The following GLT1D1 variants were observed in gnomAD, a reference collection of about 807,000 sequenced individuals.
The protein encoded by GLT1D1 is glycosyltransferase 1 domain-containing protein 1.
GLT1D1 carries 21 observed loss-of-function variants against 28.7 expected under a neutral mutation model. The observed-to-expected ratio is 0.73, with a 90% confidence interval of 0.52 to 1.05. The LOEUF (loss-of-function observed/expected upper bound fraction) is 1.05, where lower values mean the gene tolerates loss of function less well. Ranked by LOEUF, GLT1D1 falls within the 50% of genes least tolerant of loss-of-function variation. The probability of loss-of-function intolerance (pLI) is 0.00; values close to 1 mark genes in which losing one functional copy is unlikely to be tolerated. For missense variants in GLT1D1, 343 were observed against 330.6 expected (o/e 1.04, Z -0.29); for synonymous variants, 147 against 124.8 (o/e 1.18, Z -1.19).
chr12:128,912,437 G>T, intron 4 of GLT1D1: 2 of 1,526,926 alleles, frequency 1.3e-6, no homozygotes, highest in Middle Eastern at 1.7e-4. Flanking sequence ...CATGCTAAGG[G>T]TAAGGTCTAT....
rs767207876 is a variant in GLT1D1 at position 128,875,952 on chromosome 12, A to T, written c.107A>T (p.Lys36Met). 8 of 1,614,152 alleles carry T rather than the reference A, an allele frequency of 5.0e-6. No individual in the cohort carries two copies. The highest frequency in any genetic ancestry group is 6.8e-6 in the Non-Finnish European group (8 of 1,180,006). Residue 36 changes from lysine to methionine, a missense_variant, in exon 2 of 8, where the codon AAG becomes ATG. Physicochemically the swap from Lys to Met is moderately conservative, Grantham distance 95. Transcript: ENST00000281703. ...GCTGCAGGGCACGTGTGCGTTTTGA[A>T]GGATGCCTTTGACTTTGAAAGCCGA...
At chr12:128,977,100 C>T (rs889256966) in intron 7 of GLT1D1, among the ~76,000 whole-genome samples, 4 of 152,174 alleles carry the variant, frequency 2.6e-5, no homozygotes, top group Non-Finnish European at 5.9e-5. Context: ...GAGCCGAGAT[C>T]GCGCCGCTGC....
chr12:128,961,452 A>G (rs1357101131), intron 7 of GLT1D1, among the ~76,000 whole-genome samples: 1 of 152,260 alleles, frequency 6.6e-6, no homozygotes, highest in Non-Finnish European at 1.5e-5. Flanking sequence ...AAGATGTGGT[A>G]CATATGGCCA....
At chr12:128,898,227 C>T (rs927904431) in intron 3 of GLT1D1, among the ~76,000 whole-genome samples, 2 of 151,882 alleles carry the variant, frequency 1.3e-5, no homozygotes, top group South Asian at 4.2e-4. Context: ...AGCTGGAGTG[C>T]AGTGGCACAA....
chr12:128,913,073 A>C (rs961630249), intron 4 of GLT1D1, among the ~76,000 whole-genome samples: 6 of 152,190 alleles, frequency 3.9e-5, no homozygotes, highest in Admixed American at 3.9e-4. Context: ...AAACAAACCA[A>C]ACCAAATGCG....
intron 7 of GLT1D1, 74 bp downstream of exon 11, chr12:128,957,717 C>A: frequency 1.0e-6 from 1 of 1,003,162 alleles, no homozygotes. Context: ...TGGAGAGATT[C>A]TTTCTGTTAG....
At chr12:128,887,736 C>A (rs1868565313) in intron 2 of GLT1D1, among the ~76,000 whole-genome samples, 1 of 152,150 alleles carries the variant, frequency 6.6e-6, no homozygotes, top group Non-Finnish European at 1.5e-5. Flanking sequence ...AAAAACAATT[C>A]AAAGGCCAGT....
chr12:128,979,752 C>CA (rs34461083), intron 7 of GLT1D1, among the ~76,000 whole-genome samples: 28,667 of 145,762 alleles, frequency 0.2, 2,870 homozygotes, highest in African/African-American at 0.26. Flanking sequence ...GACTCTGTCT[C>CA]AAAAAAAAAA....
chr12:128,916,840 T>G (rs1338924479), intron 4 of GLT1D1, among the ~76,000 whole-genome samples: 1 of 152,234 alleles, frequency 6.6e-6, no homozygotes, highest in African/African-American at 2.4e-5. Flanking sequence ...AGGCTTAAAT[T>G]TTATTGAAGT....
intron 5 of GLT1D1, 107 bp downstream of exon 9, chr12:128,945,476 T>C: frequency 5.4e-6 from 5 of 925,524 alleles, no homozygotes; most frequent in East Asian, 2.4e-5. Context: ...CCAAGCAGTT[T>C]CCAACTGTTT....
At chr12:128,909,335 T>C (rs976334801) in intron 4 of GLT1D1, among the ~76,000 whole-genome samples, 5 of 152,022 alleles carry the variant, frequency 3.3e-5, no homozygotes, top group Non-Finnish European at 5.9e-5. Flanking sequence ...CTTTCTTTTT[T>C]TTTATGCACG....
intron 7 of GLT1D1, among the ~76,000 whole-genome samples, chr12:128,966,470 G>A (rs1359916547): frequency 6.6e-6 from 1 of 152,104 alleles, no homozygotes; most frequent in Non-Finnish European, 1.5e-5. Context: ...TTTCATTCCT[G>A]GCATGTGTCA....
chr12:128,937,647 A>G (rs1457930632), intron 4 of GLT1D1, among the ~76,000 whole-genome samples: 1 of 152,016 alleles, frequency 6.6e-6, no homozygotes, highest in African/African-American at 2.4e-5. Context: ...TCTCATCTTC[A>G]GTTGCAATCC....
intron 4 of GLT1D1, among the ~76,000 whole-genome samples, chr12:128,919,986 TCTCTCCCC>T (rs1478709326): frequency 0.074 from 329 of 4,440 alleles, 14 homozygotes; most frequent in African/African-American, 0.18. Flanking sequence ...TCTCTCTCTC[TCTCTCCCC>T]CTCCATCTCT....
intron 4 of GLT1D1, among the ~76,000 whole-genome samples, chr12:128,908,933 A>G (rs1346687139): frequency 3.3e-5 from 5 of 152,084 alleles, no homozygotes; most frequent in Admixed American, 1.3e-4. Context: ...TGGGCGACAG[A>G]GCGAGACTCC....
chr12:128,971,403 C>T (rs1879036150), intron 7 of GLT1D1, among the ~76,000 whole-genome samples: 1 of 146,596 alleles, frequency 6.8e-6, no homozygotes, highest in Non-Finnish European at 1.5e-5. Context: ...TCCTTCCTTT[C>T]TCCCTTCTTC....
At chr12:128,976,316 C>T (rs1026680451) in intron 7 of GLT1D1, among the ~76,000 whole-genome samples, 6 of 152,218 alleles carry the variant, frequency 3.9e-5, no homozygotes, top group African/African-American at 1.2e-4. Context: ...ACCCTCCACC[C>T]ACCCAATCAG....
rs191986711 is a variant in GLT1D1 at position 128,949,606 on chromosome 12, G to C, written c.540+2148G>C. ...CAAAAATCAAACTTTAGCTGGATTC[G>C]TGGGCAGCGGGGTGAACAATTCTAC... On this transcript the variant is annotated intron_variant, in intron 6 of 7. Transcript: ENST00000281703. Among the ~76,000 whole-genome samples the C allele has an allele frequency of 5.9e-5, 9 of 152,246 alleles. No individual in the cohort carries two copies. In the East Asian group the frequency reaches 1.7e-3, roughly 29 times the overall value.
chr12:128,965,710 TAAA>T (rs757636287), intron 7 of GLT1D1, among the ~76,000 whole-genome samples: 5 of 104,708 alleles, frequency 4.8e-5, no homozygotes, highest in South Asian at 3.7e-4. Flanking sequence ...TGTCTCTGCT[TAAA>T]AAAAAAAAAA....
Sources: allele counts gnomAD v4.1 joint callset (sites outside exome capture counted in the v4.1 genomes callset), GRCh38; gene constraint gnomAD v4.1.1; transcripts MANE v1.5; gene names NCBI Gene and HGNC (gene_info 2026-07-23, HGNC 2026-07-21).